Variants in ATRNL1 observed in about 807,000 individuals in gnomAD.
The protein encoded by ATRNL1 is attractin like 1, also known as attractin-like protein 1.
A neutral mutation model predicts 182.7 loss-of-function variants in ATRNL1; 95 were observed. The ratio of observed to expected loss-of-function variants is 0.52; its 90% CI spans 0.44 to 0.62. The LOEUF is 0.62. ATRNL1 is among the 20% of genes least tolerant of loss of function. The pLI, the probability that ATRNL1 is intolerant of heterozygous loss-of-function variation, is 0.00. For missense variants in ATRNL1, 1,471 were observed against 1,679.5 expected, an observed-to-expected ratio of 0.88 and a Z score of 2.17; for synonymous variants, 576 against 568.3, an observed-to-expected ratio of 1.01 and a Z score of -0.19.
At chr10:115,584,787 C>G (rs549845174) in intron 26 of ATRNL1, among the ~76,000 whole-genome samples, 252 of 152,136 alleles carry the variant, frequency 1.7e-3, no homozygotes, top group African/African-American at 5.9e-3. Context: ...TTGCCTTCTG[C>G]TAGGTTTTGA....
intron 13 of ATRNL1, among the ~76,000 whole-genome samples, chr10:115,272,760 C>T (rs1022604843): frequency 1.3e-5 from 2 of 152,100 alleles, no homozygotes; most frequent in African/African-American, 2.4e-5. Context: ...GTAACTGAAT[C>T]ATCAAAAGCC....
At position 115,678,534 on chromosome 10, in the gene ATRNL1, T is replaced by C. The variant is rs567566065; in HGVS notation, c.3796-48714T>C. 2.0e-5 allele frequency among the ~76,000 whole-genome samples: 3 copies of C among 152,292 alleles called. No individual in the cohort carries two copies. In the South Asian group the frequency reaches 6.2e-4, roughly 32 times the overall value. On this transcript the variant is annotated intron_variant, in intron 26 of 28. Coordinates refer to ENST00000355044, the MANE Select transcript of ATRNL1 (RefSeq NM_207303.4). ...CTCATTAGGAAAACTCAGTTCTGGC[T>C]TCTGTTTTGGGAAACAGTTTGTAAC... is the stretch of plus-strand genomic sequence containing the variant.
intron 28 of ATRNL1, among the ~76,000 whole-genome samples, chr10:115,886,638 G>T (rs2134452953): frequency 6.6e-6 from 1 of 152,254 alleles, no homozygotes; most frequent in Admixed American, 6.5e-5. Flanking sequence ...TGTTTGGATT[G>T]TATAGTTGTA....
chr10:115,186,797 AAC>A (rs373824889), intron 8 of ATRNL1, among the ~76,000 whole-genome samples: 338 of 152,248 alleles, frequency 2.2e-3, no homozygotes, highest in African/African-American at 7.8e-3. Flanking sequence ...TATAGTGAAC[AAC>A]AGTTTATTTT....
intron 27 of ATRNL1, among the ~76,000 whole-genome samples, chr10:115,800,367 T>A (rs1303968752): frequency 6.6e-6 from 1 of 152,198 alleles, no homozygotes; most frequent in Non-Finnish European, 1.5e-5. Flanking sequence ...TTGTCATATT[T>A]CTGCTATACT....
rs1186135645 is a variant in ATRNL1 at position 115,718,659 on chromosome 10, A to C, written c.3796-8589A>C. On this transcript the variant is annotated intron_variant, in intron 26 of 28. Transcript: ENST00000355044. ...TGGCAAAGTCTTTATAGGTAATGCT[A>C]TCTGTATCAACACAGAAAAGATTTA... Among the ~76,000 whole-genome samples the C allele has an allele frequency of 2.6e-5, 4 of 152,210 alleles. No individual in the cohort carries two copies. The East Asian group carries it at 7.7e-4, about 29-fold the overall frequency.
At chr10:115,865,060 AAAG>A (rs1951408705) in intron 28 of ATRNL1, among the ~76,000 whole-genome samples, 1 of 152,168 alleles carries the variant, frequency 6.6e-6, no homozygotes, top group Non-Finnish European at 1.5e-5. Flanking sequence ...AAACTCTTCA[AAAG>A]TGCCAAGGTC....
Position 115,789,884 on chromosome 10 carries a change from T to G in ATRNL1, c.3904-57993T>G, listed in dbSNP as rs376797377. On this transcript the variant is annotated intron_variant, in intron 27 of 28. Coordinates refer to ENST00000355044, the MANE Select transcript of ATRNL1 (RefSeq NM_207303.4). ...TTGAGGATTAAATTCTGGAAAAGGGTATCCAACATAAATACACAACCAAGA... is the reference window on the plus strand; with the variant it reads ...TTGAGGATTAAATTCTGGAAAAGGGGATCCAACATAAATACACAACCAAGA... Among the ~76,000 whole-genome samples the G allele has an allele frequency of 2.0e-5, 3 of 152,252 alleles. No homozygotes were observed. In the South Asian group the frequency reaches 6.2e-4, roughly 32 times the overall value.
chr10:115,240,717 A>G (rs1223435126), intron 9 of ATRNL1, among the ~76,000 whole-genome samples: 1 of 152,004 alleles, frequency 6.6e-6, no homozygotes, highest in Non-Finnish European at 1.5e-5. Flanking sequence ...GTTATTTAAT[A>G]TTTATTTATA....
At chr10:115,190,602 A>G (rs1356929393) in intron 8 of ATRNL1, among the ~76,000 whole-genome samples, 2 of 152,096 alleles carry the variant, frequency 1.3e-5, no homozygotes, top group African/African-American at 2.4e-5. Context: ...ATAGTTGTAT[A>G]TGTTTATGAG....
intron 21 of ATRNL1, among the ~76,000 whole-genome samples, chr10:115,441,433 G>C (rs1262412186): frequency 1.3e-5 from 2 of 151,770 alleles, no homozygotes; most frequent in South Asian, 4.2e-4. Flanking sequence ...CCACAGAGTC[G>C]AACAGTTGAA....
intron 24 of ATRNL1, among the ~76,000 whole-genome samples, chr10:115,480,733 C>T (rs1214737954): frequency 6.6e-6 from 1 of 151,000 alleles, no homozygotes; most frequent in African/African-American, 2.4e-5. Flanking sequence ...ACTACATTGA[C>T]AGAATTGAGT....
At position 115,913,771 on chromosome 10, in the gene ATRNL1, C is replaced by T. The variant is rs1555116511; in HGVS notation, c.4019-30887C>T. 2.0e-5 allele frequency among the ~76,000 whole-genome samples: 3 copies of T among 152,254 alleles called. 1 individual carries two copies. Among genetic ancestry groups the T allele is most frequent in the South Asian group, 4.1e-4 (2 of 4,822 alleles). On this transcript the variant is annotated intron_variant, in intron 28 of 28. Transcript: ENST00000355044. ...CATAGATGGAGTCACAATGCGTGGC[C>T]CACAGCCTTTGGGGCTATCCAGACT... is the stretch of plus-strand genomic sequence containing the variant.
intron 26 of ATRNL1, among the ~76,000 whole-genome samples, chr10:115,658,567 A>T (rs1289827662): frequency 6.6e-6 from 1 of 152,170 alleles, no homozygotes; most frequent in African/African-American, 2.4e-5. Flanking sequence ...AATTAGCAGC[A>T]TTCTCCACTG....
chr10:115,488,342 A>C (rs1554975660), intron 24 of ATRNL1, among the ~76,000 whole-genome samples: 1 of 152,088 alleles, frequency 6.6e-6, no homozygotes, highest in African/African-American at 2.4e-5. Context: ...CTGTGAATCC[A>C]TCTGGTAGTG....
chr10:115,393,512 A>T (rs1844135882), intron 19 of ATRNL1, among the ~76,000 whole-genome samples: 1 of 152,152 alleles, frequency 6.6e-6, no homozygotes, highest in South Asian at 2.1e-4. Context: ...CATTTTTGTC[A>T]ATAGAATGGT....
At chr10:115,675,647 A>C (rs1192679553) in intron 26 of ATRNL1, among the ~76,000 whole-genome samples, 2 of 152,090 alleles carry the variant, frequency 1.3e-5, no homozygotes, top group Non-Finnish European at 2.9e-5. Context: ...ACAGCAAATA[A>C]GAACGGAAAA....
chr10:115,180,039 T>C (rs1273329044), intron 8 of ATRNL1, among the ~76,000 whole-genome samples: 1 of 152,068 alleles, frequency 6.6e-6, no homozygotes, highest in Non-Finnish European at 1.5e-5. Flanking sequence ...TTTTTGGTTA[T>C]TATGCTATCA....
intron 1 of ATRNL1, among the ~76,000 whole-genome samples, chr10:115,115,046 G>C (rs1248567400): frequency 2.0e-5 from 3 of 152,098 alleles, no homozygotes; most frequent in Admixed American, 1.3e-4. Flanking sequence ...ATAGTATTCA[G>C]CCTATAAAGG....
Sources: gnomAD v4.1 joint callset for allele counts (sites outside exome capture counted in the v4.1 genomes callset) on GRCh38, gnomAD v4.1.1 for gene constraint, MANE v1.5 for transcripts, NCBI Gene and HGNC (gene_info 2026-07-23, HGNC 2026-07-21) for gene names.